TNIK: variants seen among roughly 807,000 people sequenced by gnomAD.
TNIK encodes the protein TRAF2 and NCK interacting kinase.
TNIK carries 49 observed loss-of-function variants against 191.3 expected under a neutral mutation model. The observed-to-expected ratio is 0.26, with a 90% CI of 0.20 to 0.32. The LOEUF (loss-of-function observed/expected upper bound fraction) is 0.32, where lower values mean the gene tolerates loss of function less well. Among genes scored for constraint, TNIK ranks in the 10% least tolerant of loss-of-function variants. TNIK has a pLI of 1.00. For missense variants in TNIK, 1,155 were observed against 1,702.3 expected (o/e 0.68, Z 5.66); for synonymous variants, 594 against 600.9 (o/e 0.99, Z 0.17).
Position 171,366,053 on chromosome 3 carries a change from TA to T in TNIK, c.123+3566del, listed in dbSNP as rs1357447888. Among the ~76,000 whole-genome samples the T allele has an allele frequency of 2.0e-5, 3 of 152,222 alleles. No individual in the cohort carries two copies. Among genetic ancestry groups the T allele is most frequent in the Non-Finnish European group, 4.4e-5 (3 of 68,044 alleles). On this transcript the variant is annotated intron_variant, in intron 2 of 32. Transcript: ENST00000436636. This position sits in a 1 kb window ranked among gnomAD's most constrained non-coding sequence, Gnocchi z 4.1. ...AATTATTTCAATTTATTAAAAGAAT[TA>T]CTCTATTTTAACAAAAATGTGTCCA...
At chr3:171,381,850 G>C (rs548289806) in intron 1 of TNIK, among the ~76,000 whole-genome samples, 1 of 152,168 alleles carries the variant, frequency 6.6e-6, no homozygotes, top group African/African-American at 2.4e-5. Context: ...GTAATGGCTA[G>C]AACACTACAG....
chr3:171,118,145 A>G (rs1339962427), intron 18 of TNIK, among the ~76,000 whole-genome samples: 1 of 151,652 alleles, frequency 6.6e-6, no homozygotes, highest in Non-Finnish European at 1.5e-5. Flanking sequence ...TTATACACCA[A>G]TAACAGACAG....
At chr3:171,166,229 T>C (rs1734604988) in intron 10 of TNIK, among the ~76,000 whole-genome samples, 1 of 152,190 alleles carries the variant, frequency 6.6e-6, no homozygotes, top group African/African-American at 2.4e-5. Context: ...ATTTGCCTAA[T>C]GAAAATTCTC....
chr3:171,343,081 C>T (rs990644647), intron 2 of TNIK, among the ~76,000 whole-genome samples: 1 of 152,140 alleles, frequency 6.6e-6, no homozygotes, highest in Non-Finnish European at 1.5e-5. Context: ...AGTTACCCAT[C>T]TTGGATATAT....
At chr3:171,408,963 T>C (rs1722059149) in intron 1 of TNIK, among the ~76,000 whole-genome samples, 2 of 152,154 alleles carry the variant, frequency 1.3e-5, no homozygotes, top group Admixed American at 1.3e-4. Context: ...AGGGAGTTTC[T>C]TTCTACCCCA....
At chr3:171,140,692 A>C (rs566154857) in intron 12 of TNIK, among the ~76,000 whole-genome samples, 183 bp from the exon 13 acceptor site, 2 of 152,234 alleles carry the variant, frequency 1.3e-5, no homozygotes, top group East Asian at 3.9e-4. Flanking sequence ...TGAGAGAGAG[A>C]GATTCAGTGT....
At chr3:171,457,059 A>G (rs1000496963) in intron 1 of TNIK, among the ~76,000 whole-genome samples, 3 of 152,252 alleles carry the variant, frequency 2.0e-5, no homozygotes, top group Non-Finnish European at 4.4e-5. Context: ...TCTATAAAAC[A>G]ATTCCAGCCC....
intron 1 of TNIK, among the ~76,000 whole-genome samples, chr3:171,457,283 G>C (rs1302842878): frequency 1.3e-5 from 2 of 152,184 alleles, no homozygotes; most frequent in Admixed American, 6.5e-5. Flanking sequence ...GTCCGGTCTG[G>C]AATCACTGGC....
Position 171,159,808 on chromosome 3 carries a change from T to G in TNIK, c.1016+1462A>C, listed in dbSNP as rs1446459829. Among the ~76,000 whole-genome samples, 1 of 152,196 alleles carries G rather than the reference T, an allele frequency of 6.6e-6. No individual in the cohort carries two copies. The highest frequency in any genetic ancestry group is 2.4e-5 in the African/African-American group (1 of 41,448). ...CATGAAGATTAATTAGATACGTCCA[T>G]AAAAACAGGACTTGGACTTAAAGTA... On this transcript the variant is annotated intron_variant, in intron 11 of 32. Transcript: ENST00000436636. This position sits in a 1 kb window ranked among gnomAD's most constrained non-coding sequence, Gnocchi z 4.1.
chr3:171,289,343 A>T (rs1283610832), intron 2 of TNIK, among the ~76,000 whole-genome samples: 1 of 152,236 alleles, frequency 6.6e-6, no homozygotes, highest in Non-Finnish European at 1.5e-5. Flanking sequence ...GTTCTAAGTT[A>T]AATTGGAGTT....
At chr3:171,270,605 A>C (rs1339397291) in intron 2 of TNIK, among the ~76,000 whole-genome samples, 2 of 152,160 alleles carry the variant, frequency 1.3e-5, no homozygotes, top group Non-Finnish European at 2.9e-5. Context: ...ATGCCTTTAC[A>C]TGTGTTAATT....
intron 17 of TNIK, 96 bp downstream of exon 17, chr3:171,125,816 G>A (rs1010777947): frequency 1.5e-5 from 23 of 1,524,718 alleles, no homozygotes; most frequent in Non-Finnish European, 2.0e-5. Context: ...GCTTTGGCAT[G>A]ATCACATTCT....
chr3:171,398,441 T>C (rs1034244996), intron 1 of TNIK, among the ~76,000 whole-genome samples: 1 of 152,232 alleles, frequency 6.6e-6, no homozygotes, highest in African/African-American at 2.4e-5. Context: ...ATATCTTCTA[T>C]TTAGTACCTG....
At chr3:171,246,523 A>G (rs751899953) in intron 2 of TNIK, among the ~76,000 whole-genome samples, 7 of 152,240 alleles carry the variant, frequency 4.6e-5, no homozygotes, top group Non-Finnish European at 8.8e-5. Flanking sequence ...AAGGAAACGC[A>G]CAAAGAAGTT....
chr3:171,132,130 G>T (rs1729389622), intron 15 of TNIK, among the ~76,000 whole-genome samples: 1 of 152,202 alleles, frequency 6.6e-6, no homozygotes, highest in African/African-American at 2.4e-5. Flanking sequence ...AATGCCAGGA[G>T]CACCAATTAG....
At chr3:171,396,409 A>G (rs984856560) in intron 1 of TNIK, among the ~76,000 whole-genome samples, 24 of 152,228 alleles carry the variant, frequency 1.6e-4, no homozygotes, top group Non-Finnish European at 2.5e-4. Context: ...TAACGCTGCT[A>G]TGAACATTTG....
At chr3:171,386,367 G>A (rs1718731529) in intron 1 of TNIK, among the ~76,000 whole-genome samples, 1 of 152,134 alleles carries the variant, frequency 6.6e-6, no homozygotes, top group Admixed American at 6.5e-5. Context: ...AAACTTTGGT[G>A]TTCGTGGTGT....
chr3:171,451,601 T>C (rs373347807), intron 1 of TNIK, among the ~76,000 whole-genome samples: 75 of 152,330 alleles, frequency 4.9e-4, no homozygotes, highest in African/African-American at 1.7e-3. Flanking sequence ...AATAATAAGA[T>C]GGAGCCCTCC....
At chr3:171,162,061 C>G (rs2108737871) in intron 10 of TNIK, among the ~76,000 whole-genome samples, 1 of 152,298 alleles carries the variant, frequency 6.6e-6, no homozygotes, top group South Asian at 2.1e-4. Flanking sequence ...CTTACATGGA[C>G]TTGCAAACTG....
Sources: allele counts gnomAD v4.1 joint callset (sites outside exome capture counted in the v4.1 genomes callset), GRCh38; gene constraint gnomAD v4.1.1; non-coding constraint Gnocchi (gnomAD v3.1); transcripts MANE v1.5; gene names NCBI Gene and HGNC (gene_info 2026-07-23, HGNC 2026-07-21).